Variants in FGD4 observed in about 807,000 individuals in gnomAD.
FGD4 encodes the protein FYVE, RhoGEF and PH domain-containing protein 4.
A neutral mutation model predicts 102.0 loss-of-function variants in FGD4; 42 were observed. The observed-to-expected ratio is 0.41, with a 90% confidence interval of 0.32 to 0.53. The LOEUF (loss-of-function observed/expected upper bound fraction) is 0.53, where lower values mean the gene tolerates loss of function less well. Ranked by LOEUF, FGD4 falls within the 20% of genes least tolerant of loss-of-function variation. The pLI is 0.21. For missense variants in FGD4, 902 were observed against 1,078.2 expected, an observed-to-expected ratio of 0.84 and a Z score of 2.29; for synonymous variants, 380 against 375.7, an observed-to-expected ratio of 1.01 and a Z score of -0.13.
Position 32,544,873 on chromosome 12 carries a change from A to G in FGD4, c.167-19264A>G, listed in dbSNP as rs1182387944. On this transcript the variant is annotated intron_variant, in intron 1 of 16. Transcript: ENST00000534526. This position sits in a 1 kb window ranked among gnomAD's most constrained non-coding sequence, Gnocchi z 4.1. ...TCCAAGCCTGTTAATAACACTAAGC[A>G]TGGTGACTCTCAACCATGACTGCAC... 2.0e-5 allele frequency among the ~76,000 whole-genome samples: 3 copies of G among 152,260 alleles called. No individual in the cohort carries two copies. Among genetic ancestry groups the G allele is most frequent in the Non-Finnish European group, 4.4e-5 (3 of 68,050 alleles).
At chr12:32,545,780 A>G (rs1391232386) in intron 1 of FGD4, among the ~76,000 whole-genome samples, 1 of 152,192 alleles carries the variant, frequency 6.6e-6, no homozygotes, top group Non-Finnish European at 1.5e-5. Context: ...TGTTGAATTC[A>G]TATCTATGCA....
At chr12:32,588,290 T>C (rs1947207902) in intron 4 of FGD4, among the ~76,000 whole-genome samples, 1 of 152,174 alleles carries the variant, frequency 6.6e-6, no homozygotes, top group Non-Finnish European at 1.5e-5. Flanking sequence ...GCACATAGGC[T>C]ATGGGCAAGG....
At chr12:32,524,823 C>CAAA (rs58484492) in intron 1 of FGD4, among the ~76,000 whole-genome samples, 1 of 126,470 alleles carries the variant, frequency 7.9e-6, no homozygotes, top group African/African-American at 3.1e-5. Flanking sequence ...GACACTGTTT[C>CAAA]AAAAAAAAAA....
rs750201776 is a variant in FGD4, at chr12:32,608,040, T to G, written c.1488T>G (p.Leu496=). Reference sequence around the variant, plus strand: ...GGATTCCCCGGTATGAGATGCTCCTTAAGGACTATCTAAGGAAATTGCCTC... The same window carrying G: ...GGATTCCCCGGTATGAGATGCTCCTGAAGGACTATCTAAGGAAATTGCCTC... ...VQRIPRYEML[L]KDYLRKLPPD... The change falls in exon 8 of 17, where the codon CTT becomes CTG. Residue 496 remains leucine, a synonymous_variant. Transcript: ENST00000534526. 1.2e-6 allele frequency: 2 copies of G among 1,614,232 alleles called. No individual in the cohort carries two copies. Among genetic ancestry groups the G allele is most frequent in the Non-Finnish European group, 1.7e-6 (2 of 1,180,036 alleles).
chr12:32,417,386 C>G (rs1263208296), intron 1 of FGD4, among the ~76,000 whole-genome samples: 2 of 151,878 alleles, frequency 1.3e-5, no homozygotes, highest in African/African-American at 4.8e-5. Context: ...ATATGTCATG[C>G]CTGTAAGGTC....
chr12:32,531,584 T>C (rs980680395), intron 1 of FGD4, among the ~76,000 whole-genome samples: 18 of 152,244 alleles, frequency 1.2e-4, no homozygotes, highest in Non-Finnish European at 2.6e-4. Context: ...TTCTTTCTAA[T>C]GCACATGCAG....
chr12:32,410,567 G>A (rs891676864), intron 1 of FGD4, among the ~76,000 whole-genome samples: 2 of 152,338 alleles, frequency 1.3e-5, no homozygotes, highest in East Asian at 1.9e-4. Flanking sequence ...GCAGTTGACA[G>A]TGTAGGCATT....
intron 1 of FGD4, among the ~76,000 whole-genome samples, chr12:32,473,240 G>C (rs1420012604): frequency 6.6e-6 from 1 of 152,000 alleles, no homozygotes; most frequent in Non-Finnish European, 1.5e-5. Context: ...AGCCAGCATT[G>C]GCAACCTGCT....
At chr12:32,450,618 A>G (rs1159117465) in intron 1 of FGD4, among the ~76,000 whole-genome samples, 1 of 152,172 alleles carries the variant, frequency 6.6e-6, no homozygotes, top group Non-Finnish European at 1.5e-5. Context: ...AAAAGGGTGT[A>G]TACAAACCAA....
At chr12:32,559,832 A>T (rs1020408334) in intron 1 of FGD4, among the ~76,000 whole-genome samples, 5 of 152,202 alleles carry the variant, frequency 3.3e-5, no homozygotes, top group African/African-American at 1.2e-4. Context: ...AATGGTGATG[A>T]CCTTTTTAAA....
chr12:32,618,490 A>ACG (rs780081121), intron 10 of FGD4, among the ~76,000 whole-genome samples: 22,572 of 152,066 alleles, frequency 0.15, 1,913 homozygotes, highest in Middle Eastern at 0.24. Flanking sequence ...ATTTGAACTA[A>ACG]TAAATAGGCT....
intron 1 of FGD4, among the ~76,000 whole-genome samples, chr12:32,520,573 T>C (rs1940431809): frequency 6.6e-6 from 1 of 151,956 alleles, no homozygotes; most frequent in Non-Finnish European, 1.5e-5. Flanking sequence ...GTAGCTGGGA[T>C]GACAGGTGCC....
intron 16 of FGD4, 169 bp downstream of exon 16, chr12:32,638,964 C>A (rs533267138): frequency 6.8e-7 from 1 of 1,462,296 alleles, no homozygotes; most frequent in South Asian, 1.5e-5. Context: ...CTGATTGATT[C>A]ATTTTATAGC....
intron 16 of FGD4, among the ~76,000 whole-genome samples, chr12:32,639,834 T>G (rs1326600426): frequency 6.6e-6 from 1 of 152,242 alleles, no homozygotes; most frequent in East Asian, 1.9e-4. Context: ...ACAGGCTATA[T>G]AGTTTACTCT....
At chr12:32,556,970 A>C (rs1000773674) in intron 1 of FGD4, 1 of 152,120 alleles carries the variant, frequency 6.6e-6, no homozygotes, top group Non-Finnish European at 1.5e-5. Flanking sequence ...CTCCCACCTC[A>C]GTCTCCTGAG....
At chr12:32,432,828 AAATT>A (rs1376122507) in intron 1 of FGD4, among the ~76,000 whole-genome samples, 1 of 152,088 alleles carries the variant, frequency 6.6e-6, no homozygotes, top group East Asian at 1.9e-4. Context: ...ATTATTTGTT[AAATT>A]AATTGAATGA....
chr12:32,556,590 C>G (rs888421253), intron 1 of FGD4, among the ~76,000 whole-genome samples: 1 of 152,132 alleles, frequency 6.6e-6, no homozygotes, highest in Non-Finnish European at 1.5e-5. Context: ...GGCGCAGTGG[C>G]TCACACCTGT....
intron 1 of FGD4, among the ~76,000 whole-genome samples, chr12:32,442,301 C>T: frequency 6.6e-6 from 1 of 152,088 alleles, no homozygotes; most frequent in East Asian, 1.9e-4. Flanking sequence ...GATCCACCCA[C>T]CTCAGCCCCC....
chr12:32,587,117 G>A (rs1947104910), intron 4 of FGD4, among the ~76,000 whole-genome samples: 1 of 149,056 alleles, frequency 6.7e-6, no homozygotes, highest in South Asian at 2.1e-4. Flanking sequence ...TTGAATTCTG[G>A]ATGTGGAGGT....
Sources: gnomAD v4.1 joint callset for allele counts (sites outside exome capture counted in the v4.1 genomes callset) on GRCh38, gnomAD v4.1.1 for gene constraint, Gnocchi (gnomAD v3.1) non-coding constraint, MANE v1.5 for transcripts, NCBI Gene and HGNC (gene_info 2026-07-23, HGNC 2026-07-21) for gene names.